Variants in TBCK observed in about 807,000 individuals in gnomAD.
The protein encoded by TBCK is TBC domain-containing protein kinase-like protein.
Under a neutral mutation model 113.4 loss-of-function variants are expected in TBCK, and 99 were observed. The ratio of observed to expected loss-of-function variants is 0.87; its 90% CI spans 0.74 to 1.03. The LOEUF (loss-of-function observed/expected upper bound fraction) is 1.03. TBCK is among the 50% of genes least tolerant of loss of function. TBCK has a pLI of 0.00. For synonymous variants in TBCK, 369 were observed against 370.8 expected, an observed-to-expected ratio of 1.00 and a Z score of 0.05; for missense variants, 1,045 against 1,061.3, an observed-to-expected ratio of 0.98 and a Z score of 0.21.
intron 23 of TBCK, among the ~76,000 whole-genome samples, chr4:106,130,639 A>G (rs1264096189): frequency 3.3e-5 from 5 of 150,790 alleles, no homozygotes; most frequent in African/African-American, 9.8e-5. Context: ...CCACACAGAA[A>G]CTGCAAAAGT....
Position 106,232,995 on chromosome 4 carries a change from A to C in TBCK, c.1582T>G (p.Phe528Val). 6.2e-7 allele frequency: 1 copy of C among 1,612,552 alleles called. No individual in the cohort carries two copies. Reference sequence around the variant, plus strand: ...ACCCAGGCTTTTAATACACGCCTAAATTTTGCATGACCTTCTGGTGATGAT... The same window carrying C: ...ACCCAGGCTTTTAATACACGCCTAACTTTTGCATGACCTTCTGGTGATGAT... ...LLSSPEGHAKFRRVLKAWVVS... is the reference protein window; with the variant it reads ...LLSSPEGHAKVRRVLKAWVVS... The change falls in exon 17 of 26, where the codon TTT becomes GTT. Residue 528 changes from phenylalanine (F) to valine (V), a missense_variant. Transcript: ENST00000394708.
At chr4:106,223,584 C>T (rs1757935920) in intron 19 of TBCK, among the ~76,000 whole-genome samples, 1 of 152,080 alleles carries the variant, frequency 6.6e-6, no homozygotes, top group Non-Finnish European at 1.5e-5. Context: ...TTCTTTCCCT[C>T]AAAAGATTTA....
At chr4:106,220,707 T>C (rs1757581117) in intron 19 of TBCK, among the ~76,000 whole-genome samples, 1 of 152,180 alleles carries the variant, frequency 6.6e-6, no homozygotes, top group Admixed American at 6.5e-5. Context: ...TCTCACCTTT[T>C]CCTCTCTGCA....
chr4:106,310,332 C>T (rs1768057817), intron 1 of TBCK: 1 of 152,034 alleles, frequency 6.6e-6, no homozygotes, highest in Non-Finnish European at 1.5e-5. Flanking sequence ...TAAGCTACAA[C>T]CTGTAATAGT....
chr4:106,191,573 T>C (rs1753668484), intron 22 of TBCK, among the ~76,000 whole-genome samples: 1 of 152,198 alleles, frequency 6.6e-6, no homozygotes. Context: ...TCATTCCTGT[T>C]CATCCAGTTA....
intron 22 of TBCK, among the ~76,000 whole-genome samples, chr4:106,179,560 G>A (rs892803245): frequency 6.6e-6 from 1 of 151,990 alleles, no homozygotes; most frequent in Non-Finnish European, 1.5e-5. Flanking sequence ...AGTTTCTAAT[G>A]TTCCTTTTCT....
intron 10 of TBCK, among the ~76,000 whole-genome samples, chr4:106,246,290 A>T (rs1760806174): frequency 6.6e-6 from 1 of 152,192 alleles, no homozygotes. Context: ...CCAGGAACTC[A>T]ATAAATGTTT....
chr4:106,136,650 A>T (rs1335081099), intron 23 of TBCK, among the ~76,000 whole-genome samples: 1 of 140,826 alleles, frequency 7.1e-6, no homozygotes, highest in Non-Finnish European at 1.6e-5. Context: ...ACCTGGTATG[A>T]ATGATGCAGA....
At chr4:106,216,416 C>A (rs371655146) in intron 19 of TBCK, among the ~76,000 whole-genome samples, 11 of 152,028 alleles carry the variant, frequency 7.2e-5, no homozygotes, top group Admixed American at 2.0e-4. Context: ...CAAAAAATTA[C>A]TGAATCCAGG....
chr4:106,151,679 G>A (rs1049801705), intron 23 of TBCK, among the ~76,000 whole-genome samples: 5 of 152,032 alleles, frequency 3.3e-5, no homozygotes, highest in East Asian at 3.9e-4. Flanking sequence ...ATTGTTTTGC[G>A]TTGCATGGAC....
At chr4:106,314,233 C>A (rs1353746313) in intron 1 of TBCK, among the ~76,000 whole-genome samples, 2 of 152,122 alleles carry the variant, frequency 1.3e-5, no homozygotes, top group Non-Finnish European at 2.9e-5. Context: ...AAGGTAGAAT[C>A]ACTACTTTTC....
intron 25 of TBCK, among the ~76,000 whole-genome samples, chr4:106,083,408 G>A (rs1202304000): frequency 6.6e-6 from 1 of 152,184 alleles, no homozygotes; most frequent in Non-Finnish European, 1.5e-5. Flanking sequence ...ACTCCAGCCA[G>A]AGGCTCAGGG....
chr4:106,095,795 GA>G lies in TBCK; in HGVS notation c.2412-155del, dbSNP rs34901247. On this transcript the variant is annotated intron_variant, in intron 24 of 25. Transcript: ENST00000394708. ...TAAATGAAGTAAGGCACCTCCAGGA[GA>G]AAAAAAAAAGTTAAATTTGAAAATG... 0.35 allele frequency among the ~76,000 whole-genome samples: 52,090 copies of G among 148,954 alleles called. 9,071 individuals carry two copies. The highest frequency in any genetic ancestry group is 0.39 in the African/African-American group (15,917 of 40,572).
intron 12 of TBCK, among the ~76,000 whole-genome samples, chr4:106,240,433 G>C (rs1479843562): frequency 6.6e-6 from 1 of 151,642 alleles, no homozygotes; most frequent in Non-Finnish European, 1.5e-5. Flanking sequence ...AAACCACAGG[G>C]AATCTATAGA....
At chr4:106,183,424 A>C (rs1420991142) in intron 22 of TBCK, among the ~76,000 whole-genome samples, 5 of 151,912 alleles carry the variant, frequency 3.3e-5, no homozygotes, top group Admixed American at 1.3e-4. Flanking sequence ...CCTATCCTCT[A>C]CTAACATCCT....
chr4:106,080,829 TA>T (rs140765708), intron 25 of TBCK, among the ~76,000 whole-genome samples: 11,578 of 150,698 alleles, frequency 0.077, 506 homozygotes, highest in Middle Eastern at 0.18. Context: ...AATTCACAAT[TA>T]AAAAAAAACC....
intron 23 of TBCK, among the ~76,000 whole-genome samples, chr4:106,152,017 G>C (rs1207414014): frequency 2.6e-5 from 4 of 151,774 alleles, no homozygotes; most frequent in Non-Finnish European, 5.9e-5. Context: ...AAAAGATCAT[G>C]TCATCTTCAA....
chr4:106,314,616 ATTTTTTT>A (rs869091052), intron 1 of TBCK, among the ~76,000 whole-genome samples: 16 of 102,054 alleles, frequency 1.6e-4, no homozygotes, highest in Admixed American at 7.2e-4. Context: ...ATACTACTTG[ATTTTTTT>A]TTTTTTTTTT....
rs1205216357 is a variant in TBCK at position 106,045,430 on chromosome 4, G to C, written c.*1140C>G. On this transcript the variant is annotated 3_prime_UTR_variant, in exon 26 of 26. Transcript: ENST00000394708. ...TACTCATTTTAAAAACAATGTGGCA[G>C]AGGCAGAGGTTGTTAGCTGTACCTC... 2 of 152,186 alleles carry C rather than the reference G, an allele frequency of 1.3e-5. No homozygotes were observed. The highest frequency in any genetic ancestry group is 2.9e-5 in the Non-Finnish European group (2 of 68,032). 9.4% of individuals were successfully genotyped at this position (152,186 alleles called of 1,614,324 possible). A position where few individuals can be genotyped will look rare whatever the true frequency, so the allele number is the denominator to read the frequency against.
Sources: allele counts gnomAD v4.1 joint callset (sites outside exome capture counted in the v4.1 genomes callset), GRCh38; gene constraint gnomAD v4.1.1; transcripts MANE v1.5; gene names NCBI Gene and HGNC (gene_info 2026-07-23, HGNC 2026-07-21).